The following PIP4K2B variants were observed in gnomAD, a reference collection of about 807,000 sequenced individuals.
PIP4K2B encodes phosphatidylinositol-5-phosphate 4-kinase type 2 beta.
Under a neutral mutation model 42.0 loss-of-function variants are expected in PIP4K2B, and 3 were observed. The observed-to-expected ratio is 0.07, with a 90% CI of 0.03 to 0.18. PIP4K2B has a LOEUF of 0.18. PIP4K2B is among the 10% of genes least tolerant of loss of function. The probability of loss-of-function intolerance (pLI) is 1.00; values close to 1 mark genes in which losing one functional copy is unlikely to be tolerated. For synonymous variants in PIP4K2B, 204 were observed against 210.1 expected, an observed-to-expected ratio of 0.97 and a Z score of 0.25; for missense variants, 332 against 562.3, an observed-to-expected ratio of 0.59 and a Z score of 4.14.
At chr17:38,785,486 G>A (rs7224974) in intron 2 of PIP4K2B, among the ~76,000 whole-genome samples, 8,774 of 152,178 alleles carry the variant, frequency 0.058, 875 homozygotes, top group African/African-American at 0.2. Context: ...AGACCAGCCT[G>A]GCCAACATGG....
chr17:38,785,400 G>A (rs1909951177), intron 2 of PIP4K2B, among the ~76,000 whole-genome samples: 1 of 152,162 alleles, frequency 6.6e-6, no homozygotes, highest in South Asian at 2.1e-4. Context: ...GGCTGGGCAA[G>A]GTGGCTCCTG....
At chr17:38,775,352 A>G (rs960072113) in intron 7 of PIP4K2B, among the ~76,000 whole-genome samples, 1 of 152,142 alleles carries the variant, frequency 6.6e-6, no homozygotes, top group Non-Finnish European at 1.5e-5. Context: ...TCCTAGGCAC[A>G]AGGGATCCTC....
chr17:38,798,692 A>G (rs1910779525), intron 1 of PIP4K2B, among the ~76,000 whole-genome samples: 1 of 152,202 alleles, frequency 6.6e-6, no homozygotes, highest in Non-Finnish European at 1.5e-5. Flanking sequence ...GGTTCAAGGA[A>G]GCCTGTGCTT....
At chr17:38,790,566 C>G (rs535055662) in intron 1 of PIP4K2B, among the ~76,000 whole-genome samples, 1 of 152,218 alleles carries the variant, frequency 6.6e-6, no homozygotes, top group East Asian at 1.9e-4. Context: ...TCAAGCGATT[C>G]TCCTGCCTCA....
At chr17:38,795,336 G>A (rs1214686742) in intron 1 of PIP4K2B, among the ~76,000 whole-genome samples, 1 of 152,166 alleles carries the variant, frequency 6.6e-6, no homozygotes, top group Non-Finnish European at 1.5e-5. Context: ...GGCTGGGGAT[G>A]TGGCTCATGC....
chr17:38,796,582 C>G (rs1181458855), intron 1 of PIP4K2B, among the ~76,000 whole-genome samples: 1 of 152,186 alleles, frequency 6.6e-6, no homozygotes, highest in Non-Finnish European at 1.5e-5. Context: ...CTCCTTGTTT[C>G]CTACACATTC....
chr17:38,771,681 G>A (rs1399566931), intron 7 of PIP4K2B, among the ~76,000 whole-genome samples: 1 of 151,734 alleles, frequency 6.6e-6, no homozygotes, highest in Non-Finnish European at 1.5e-5. Context: ...GCAGGTTAAA[G>A]ATAGAACGAG....
chr17:38,787,371 T>C (rs1874741969), intron 1 of PIP4K2B, among the ~76,000 whole-genome samples: 1 of 152,192 alleles, frequency 6.6e-6, no homozygotes, highest in Admixed American at 6.5e-5. Flanking sequence ...TGTCCTATTT[T>C]ACCTATTGAA....
Position 38,799,258 on chromosome 17 carries a change from C to T in PIP4K2B, c.159+8G>A, listed in dbSNP as rs1884400620. On this transcript the variant is annotated splice_region_variant and intron_variant, in intron 1 of 9. Coordinates refer to ENST00000619039, the MANE Select transcript of PIP4K2B (RefSeq NM_003559.5). The surrounding 1 kb of genome is among the most constrained non-coding windows in gnomAD (Gnocchi z 4.4). Reference sequence around the variant, plus strand: ...CCGCGCTCAGAGGGGCGCGCAGGAGCTGGTTACCGTGTGGTTCACCCCCCA... The same window carrying T: ...CCGCGCTCAGAGGGGCGCGCAGGAGTTGGTTACCGTGTGGTTCACCCCCCA... 1.3e-6 allele frequency: 2 copies of T among 1,586,196 alleles called. No individual in the cohort carries two copies. Among genetic ancestry groups the T allele is most frequent in the East Asian group, 2.3e-5 (1 of 42,682 alleles).
chr17:38,772,976 C>G (rs970118106), intron 7 of PIP4K2B, among the ~76,000 whole-genome samples: 1 of 152,200 alleles, frequency 6.6e-6, no homozygotes, highest in Non-Finnish European at 1.5e-5. Flanking sequence ...ATCTTCTATC[C>G]GTGAAATTGT....
intron 3 of PIP4K2B, among the ~76,000 whole-genome samples, chr17:38,781,410 C>T (rs1321330354): frequency 6.6e-6 from 1 of 152,072 alleles, no homozygotes; most frequent in South Asian, 2.1e-4. Flanking sequence ...TGGGAAGCAA[C>T]GGTGAGGGGA....
Position 38,777,714 on chromosome 17 carries a change from G to C in PIP4K2B, c.780C>G (p.Phe260Leu). 6.2e-7 allele frequency: 1 copy of C among 1,613,648 alleles called. No homozygotes were observed. Among genetic ancestry groups the C allele is most frequent in the South Asian group, 1.1e-5 (1 of 91,066 alleles). The part of the protein sequence containing the change: ...LHVGEESKKN[F>L]LEKLKRDVEF... ...CAACGTCCCGCTTCAGTTTCTCCAG[G>C]AAGTTCTTTTTACTCTCCTCTCCCA... Residue 260 changes from phenylalanine (F) to leucine (L), a missense_variant, in exon 7 of 10, where the codon TTC (phenylalanine) becomes TTG (leucine). Coordinates refer to ENST00000619039, the MANE Select transcript of PIP4K2B (RefSeq NM_003559.5).
At chr17:38,771,546 C>CAAAAAAAAAA (rs58817119) in intron 7 of PIP4K2B, among the ~76,000 whole-genome samples, 1 of 39,772 alleles carries the variant, frequency 2.5e-5, no homozygotes, top group Admixed American at 3.4e-4. Context: ...GAGATGGTCT[C>CAAAAAAAAAA]AAAAAAAAAA....
At chr17:38,774,841 T>A (rs1909241561) in intron 7 of PIP4K2B, among the ~76,000 whole-genome samples, 2 of 152,210 alleles carry the variant, frequency 1.3e-5, no homozygotes, top group Admixed American at 1.3e-4. Context: ...TCCTATAGGT[T>A]TTGTTTCTCT....
chr17:38,780,709 G>A lies in PIP4K2B; in HGVS notation c.355-105C>T. ...GGACTGCTTGAAAGCCAACAACACT[G>A]AGATAGAGGGACTCCCAGATGGGAG... On this transcript the variant is annotated intron_variant, in intron 3 of 9. Transcript: ENST00000619039. 1.1e-5 allele frequency: 12 copies of A among 1,069,074 alleles called. No homozygotes were observed. The South Asian group carries it at 1.8e-4, about 16-fold the overall frequency. 66.2% of individuals were successfully genotyped at this position (1,069,074 alleles called of 1,614,324 possible). A position where few individuals can be genotyped will look rare whatever the true frequency, so the allele number is the denominator to read the frequency against.
rs1162778669 is a variant in PIP4K2B, at chr17:38,793,699, C to T, written c.159+5567G>A. On this transcript the variant is annotated intron_variant, in intron 1 of 9. Coordinates refer to ENST00000619039, the MANE Select transcript of PIP4K2B (RefSeq NM_003559.5). ...CAGCCTGGGCAACATGGCAAAACCC[C>T]GACTCTTCAAAAAATACAAGTGTTA... is the stretch of plus-strand genomic sequence containing the variant. Among the ~76,000 whole-genome samples the T allele has an allele frequency of 7.2e-5, 11 of 152,034 alleles. No individual in the cohort carries two copies. In the South Asian group the frequency reaches 8.3e-4, roughly 11 times the overall value.
intron 1 of PIP4K2B, among the ~76,000 whole-genome samples, chr17:38,787,769 T>G (rs1910115306): frequency 6.6e-6 from 1 of 152,112 alleles, no homozygotes; most frequent in Admixed American, 6.6e-5. Context: ...AATTTTTTTT[T>G]GTATTTTTAG....
chr17:38,798,286 G>C (rs1910756787), intron 1 of PIP4K2B, among the ~76,000 whole-genome samples: 1 of 152,188 alleles, frequency 6.6e-6, no homozygotes, highest in Non-Finnish European at 1.5e-5. Flanking sequence ...CATTCCTAGT[G>C]TGGGGATTCA....
At chr17:38,790,803 A>G (rs1353189809) in intron 1 of PIP4K2B, among the ~76,000 whole-genome samples, 1 of 152,162 alleles carries the variant, frequency 6.6e-6, no homozygotes, top group Non-Finnish European at 1.5e-5. Context: ...AACAATCCAT[A>G]TCTCAACTAG....
Sources: gnomAD v4.1 joint callset for allele counts (sites outside exome capture counted in the v4.1 genomes callset) on GRCh38, gnomAD v4.1.1 for gene constraint, Gnocchi (gnomAD v3.1) non-coding constraint, MANE v1.5 for transcripts, NCBI Gene and HGNC (gene_info 2026-07-23, HGNC 2026-07-21) for gene names.